CLIC4: variants seen among roughly 807,000 people sequenced by gnomAD.
CLIC4 encodes CLIC family member 4.
CLIC4 carries 13 observed loss-of-function variants against 24.6 expected under a neutral mutation model. The observed-to-expected ratio is 0.53, with a 90% CI of 0.34 to 0.84. CLIC4 has a LOEUF of 0.84. Among genes scored for constraint, CLIC4 ranks in the 40% least tolerant of loss-of-function variants. The pLI is 0.01. For synonymous variants in CLIC4, 104 were observed against 111.3 expected, an observed-to-expected ratio of 0.93 and a Z score of 0.41; for missense variants, 227 against 301.7, an observed-to-expected ratio of 0.75 and a Z score of 1.83.
chr1:24,831,933 C>T (rs1033309731), intron 4 of CLIC4, among the ~76,000 whole-genome samples: 3 of 152,208 alleles, frequency 2.0e-5, no homozygotes, highest in African/African-American at 7.2e-5. Context: ...AGCACCATGC[C>T]CGGCCATGCA....
At position 24,797,797 on chromosome 1, in the gene CLIC4, T is replaced by C. The variant is rs1301849205; in HGVS notation, c.128T>C (p.Met43Thr). 1 of 1,613,816 alleles carries C rather than the reference T, an allele frequency of 6.2e-7. No individual in the cohort carries two copies. The highest frequency in any genetic ancestry group is 8.5e-7 in the Non-Finnish European group (1 of 1,179,892). ...TGCCCCTTTTCCCAGAGGCTCTTCA[T>C]GATTCTTTGGCTCAAAGGAGTTGTA... Reference protein sequence around the residue: ...GNCPFSQRLFMILWLKGVVFS... With the variant: ...GNCPFSQRLFTILWLKGVVFS... Residue 43 changes from methionine (M) to threonine (T), a missense_variant, in exon 2 of 6, where the codon ATG (methionine) becomes ACG (threonine). Transcript: ENST00000374379.
intron 4 of CLIC4, among the ~76,000 whole-genome samples, chr1:24,827,823 AG>A (rs1639802160): frequency 6.6e-6 from 1 of 151,688 alleles, no homozygotes; most frequent in Non-Finnish European, 1.5e-5. Context: ...TCTTTGGAAG[AG>A]GTTCCATTCA....
chr1:24,797,760 A>C lies in CLIC4; in HGVS notation c.91A>C (p.Ser31Arg). 3 of 1,612,202 alleles carry C rather than the reference A, an allele frequency of 1.9e-6. No individual in the cohort carries two copies. Among genetic ancestry groups the C allele is most frequent in the Non-Finnish European group, 2.5e-6 (3 of 1,179,354 alleles). Residue 31 changes from serine (S) to arginine (R), a missense_variant, in exon 2 of 6, where the codon AGC becomes CGC. Ser to Arg is a moderately radical substitution (Grantham distance 110). Transcript: ENST00000374379. ...LFVKAGSDGESIGNCPFSQRL... is the reference protein window; with the variant it reads ...LFVKAGSDGERIGNCPFSQRL... ...TTTCCAGGCTGGCAGTGATGGTGAA[A>C]GCATAGGAAACTGCCCCTTTTCCCA...
intron 3 of CLIC4, among the ~76,000 whole-genome samples, chr1:24,819,531 A>G (rs1225508525): frequency 6.7e-6 from 1 of 148,538 alleles, no homozygotes; most frequent in Non-Finnish European, 1.5e-5. Flanking sequence ...TCTGCCTGTC[A>G]GGTTCAGGAG....
chr1:24,806,902 A>G (rs1289564729), intron 2 of CLIC4, among the ~76,000 whole-genome samples: 1 of 152,190 alleles, frequency 6.6e-6, no homozygotes, highest in African/African-American at 2.4e-5. Flanking sequence ...GTAGCTGGTA[A>G]ATGGTAGAGC....
At chr1:24,761,952 GT>G (rs1303076373) in intron 1 of CLIC4, among the ~76,000 whole-genome samples, 3 of 152,156 alleles carry the variant, frequency 2.0e-5, no homozygotes, top group Admixed American at 6.6e-5. Context: ...CAGAGTTCAA[GT>G]TTTGACTTGT....
At chr1:24,763,829 T>A (rs1046216448) in intron 1 of CLIC4, among the ~76,000 whole-genome samples, 2 of 152,244 alleles carry the variant, frequency 1.3e-5, no homozygotes, top group East Asian at 3.8e-4. Flanking sequence ...ATGCCTCTTA[T>A]ATGACTCTTC....
rs111295091 is a variant in CLIC4, at chr1:24,767,741, TG to T, written c.72+22117del. ...TTCTTTTTTTCCTCTCTCTCTTTTTTGTTAATGTGAAAGTGCAAAAGTAAAG... is the reference window on the plus strand; with the variant it reads ...TTCTTTTTTTCCTCTCTCTCTTTTTTTTAATGTGAAAGTGCAAAAGTAAAG... On this transcript the variant is annotated intron_variant, in intron 1 of 5. Transcript: ENST00000374379. Among the ~76,000 whole-genome samples the T allele has an allele frequency of 6.2e-3, 936 of 151,730 alleles. 14 individuals are homozygous for T. Among genetic ancestry groups the T allele is most frequent in the African/African-American group, 0.022 (896 of 41,458 alleles).
chr1:24,816,488 C>T (rs1639670493), intron 3 of CLIC4, among the ~76,000 whole-genome samples: 1 of 152,172 alleles, frequency 6.6e-6, no homozygotes, highest in Admixed American at 6.5e-5. Context: ...GATGATCCGC[C>T]CGTCTCGGCC....
At chr1:24,773,600 T>C (rs1335541144) in intron 1 of CLIC4, among the ~76,000 whole-genome samples, 1 of 145,374 alleles carries the variant, frequency 6.9e-6, no homozygotes, top group Non-Finnish European at 1.5e-5. Context: ...CCTTTTTTTT[T>C]TTTTTTTTTT....
chr1:24,835,055 C>T (rs1416886707), intron 4 of CLIC4, among the ~76,000 whole-genome samples: 1 of 151,984 alleles, frequency 6.6e-6, no homozygotes, highest in African/African-American at 2.4e-5. Context: ...TTTCTCTTGT[C>T]ACTTCTGTAG....
intron 1 of CLIC4, among the ~76,000 whole-genome samples, chr1:24,754,556 G>C (rs1638818090): frequency 1.3e-5 from 2 of 152,140 alleles, no homozygotes; most frequent in Admixed American, 1.3e-4. Context: ...GGATGGGTTT[G>C]CCTGTTTTAG....
chr1:24,788,913 G>C (rs1639303090), intron 1 of CLIC4, among the ~76,000 whole-genome samples: 1 of 152,208 alleles, frequency 6.6e-6, no homozygotes, highest in South Asian at 2.1e-4. Flanking sequence ...GATAATTACT[G>C]CTCTACTATA....
intron 2 of CLIC4, among the ~76,000 whole-genome samples, chr1:24,798,195 C>A (rs1032792417): frequency 6.6e-6 from 1 of 152,050 alleles, no homozygotes; most frequent in Admixed American, 6.6e-5. Flanking sequence ...TCATCTTGGC[C>A]CCAAATGTGT....
chr1:24,778,800 A>G (rs887711862), intron 1 of CLIC4, among the ~76,000 whole-genome samples: 1 of 152,250 alleles, frequency 6.6e-6, no homozygotes, highest in Non-Finnish European at 1.5e-5. Flanking sequence ...AAGTCTGGTC[A>G]TTGTACATCT....
chr1:24,831,535 C>G (rs1276645337), intron 4 of CLIC4, among the ~76,000 whole-genome samples: 1 of 152,188 alleles, frequency 6.6e-6, no homozygotes, highest in Non-Finnish European at 1.5e-5. Context: ...ATTCAGGCAA[C>G]ATTATCTTCC....
At chr1:24,760,097 G>A (rs1161446953) in intron 1 of CLIC4, among the ~76,000 whole-genome samples, 1 of 152,152 alleles carries the variant, frequency 6.6e-6, no homozygotes, top group Non-Finnish European at 1.5e-5. Flanking sequence ...CAGATGTGGT[G>A]GTTCATGCCT....
chr1:24,840,242 A>G (rs1483083054), intron 5 of CLIC4, among the ~76,000 whole-genome samples: 1 of 152,196 alleles, frequency 6.6e-6, no homozygotes, highest in African/African-American at 2.4e-5. Context: ...AGAAAGATGA[A>G]TATTTTTTTT....
chr1:24,815,425 C>T (rs1163227158), intron 3 of CLIC4, among the ~76,000 whole-genome samples: 1 of 152,154 alleles, frequency 6.6e-6, no homozygotes, highest in Admixed American at 6.5e-5. Context: ...TTGCTTGAAC[C>T]AGGGAGGCAG....
Sources: allele counts gnomAD v4.1 joint callset (sites outside exome capture counted in the v4.1 genomes callset), GRCh38; gene constraint gnomAD v4.1.1; transcripts MANE v1.5; gene names NCBI Gene and HGNC (gene_info 2026-07-23, HGNC 2026-07-21).